The following GMDS variants were observed in gnomAD, a reference collection of about 807,000 sequenced individuals.
The protein encoded by GMDS is GDP-mannose 4,6 dehydratase.
GMDS carries 20 observed loss-of-function variants against 49.9 expected under a neutral mutation model. The ratio of observed to expected loss-of-function variants is 0.40; its 90% confidence interval spans 0.28 to 0.58. The LOEUF (loss-of-function observed/expected upper bound fraction) is 0.58, where lower values mean the gene tolerates loss of function less well. Ranked by LOEUF, GMDS falls within the 20% of genes least tolerant of loss-of-function variation. The pLI, the probability that GMDS is intolerant of heterozygous loss-of-function variation, is 0.42. For synonymous variants in GMDS, 177 were observed against 178.6 expected, an observed-to-expected ratio of 0.99 and a Z score of 0.07; for missense variants, 362 against 481.4, an observed-to-expected ratio of 0.75 and a Z score of 2.32.
At chr6:1,960,736 C>A (rs555623761) in intron 5 of GMDS, 38 bp downstream of exon 5, 2 of 1,367,768 alleles carry the variant, frequency 1.5e-6, no homozygotes, top group Non-Finnish European at 2.0e-6. Context: ...CCACAGATAA[C>A]GCCACACATG....
chr6:2,221,095 G>T (rs1315729205), intron 1 of GMDS, among the ~76,000 whole-genome samples: 6 of 152,138 alleles, frequency 3.9e-5, no homozygotes, highest in Non-Finnish European at 2.9e-5. Flanking sequence ...GGAGACTGAG[G>T]TGGGAGGATT....
At chr6:2,056,978 C>T (rs562073805) in intron 4 of GMDS, among the ~76,000 whole-genome samples, 1 of 152,266 alleles carries the variant, frequency 6.6e-6, no homozygotes, top group East Asian at 1.9e-4. Flanking sequence ...TGTATAAATA[C>T]AGCATTACTG....
At chr6:2,151,656 G>A (rs979780887) in intron 1 of GMDS, among the ~76,000 whole-genome samples, 4 of 151,884 alleles carry the variant, frequency 2.6e-5, no homozygotes, top group African/African-American at 9.7e-5. Flanking sequence ...AACAAAATAT[G>A]CAAAAAACCT....
At chr6:1,756,165 A>C (rs1197123181) in intron 7 of GMDS, among the ~76,000 whole-genome samples, 3 of 152,244 alleles carry the variant, frequency 2.0e-5, no homozygotes, top group African/African-American at 4.8e-5. Context: ...TGTATGAAAG[A>C]AGCTTAATGA....
chr6:2,214,157 C>T (rs1780207387), intron 1 of GMDS, among the ~76,000 whole-genome samples: 1 of 152,202 alleles, frequency 6.6e-6, no homozygotes, highest in South Asian at 2.1e-4. Flanking sequence ...AACTGACACA[C>T]ATCAACAATA....
At chr6:2,149,824 G>C (rs1776758774) in intron 1 of GMDS, among the ~76,000 whole-genome samples, 1 of 152,180 alleles carries the variant, frequency 6.6e-6, no homozygotes, top group African/African-American at 2.4e-5. Flanking sequence ...GGGAGACTGA[G>C]TACACACAGC....
chr6:2,039,527 A>G lies in GMDS; in HGVS notation c.345+76244T>C, dbSNP rs1769522411. On this transcript the variant is annotated intron_variant, in intron 4 of 10. Transcript: ENST00000380815. ...ATGTAAACACACTATACAGTTAAAC[A>G]AAAAATATTTTCTTTCTTTATATCC... Among the ~76,000 whole-genome samples, 3 of 152,276 alleles carry G rather than the reference A, an allele frequency of 2.0e-5. No homozygotes were observed. In the South Asian group the frequency reaches 6.2e-4, roughly 32 times the overall value.
At chr6:1,881,095 T>G (rs890270949) in intron 7 of GMDS, among the ~76,000 whole-genome samples, 2 of 152,176 alleles carry the variant, frequency 1.3e-5, no homozygotes, top group African/African-American at 2.4e-5. Flanking sequence ...AAAAAGGTAT[T>G]TTTCTATCAT....
chr6:1,990,943 G>A (rs1323514404), intron 4 of GMDS, among the ~76,000 whole-genome samples: 1 of 151,956 alleles, frequency 6.6e-6, no homozygotes, highest in African/African-American at 2.4e-5. Flanking sequence ...GTGTTAAGTG[G>A]GCATTATCAA....
intron 4 of GMDS, among the ~76,000 whole-genome samples, chr6:2,114,834 T>C (rs1181677429): frequency 6.6e-6 from 1 of 152,178 alleles, no homozygotes; most frequent in African/African-American, 2.4e-5. Flanking sequence ...AGCAGAGGTA[T>C]ATAGAATAGG....
In GMDS at chr6:1,778,607, A is replaced by G. The variant is rs563279699; in HGVS notation, c.772-36021T>C. 3.3e-5 allele frequency among the ~76,000 whole-genome samples: 5 copies of G among 152,218 alleles called. No homozygotes were observed. The highest frequency in any genetic ancestry group is 7.3e-5 in the Non-Finnish European group (5 of 68,044). On this transcript the variant is annotated intron_variant, in intron 7 of 10. Transcript: ENST00000380815. The surrounding 1 kb of genome is among the most constrained non-coding windows in gnomAD (Gnocchi z 4.6). ...ATGTCTCGAACTGCAGGATTAGAGTAACATTAGTTAACGTGGCCCTCCATT... is the reference window on the plus strand; with the variant it reads ...ATGTCTCGAACTGCAGGATTAGAGTGACATTAGTTAACGTGGCCCTCCATT...
chr6:2,211,648 A>G (rs1391864724), intron 1 of GMDS, among the ~76,000 whole-genome samples: 1 of 152,188 alleles, frequency 6.6e-6, no homozygotes, highest in Non-Finnish European at 1.5e-5. Context: ...CCCACCAAAA[A>G]TAACTAGAAA....
At chr6:1,799,961 A>T (rs953112814) in intron 7 of GMDS, among the ~76,000 whole-genome samples, 2 of 152,136 alleles carry the variant, frequency 1.3e-5, no homozygotes, top group East Asian at 3.9e-4. Context: ...TTCATACCTT[A>T]ATGTCTTTTT....
intron 1 of GMDS, among the ~76,000 whole-genome samples, chr6:2,194,853 T>G (rs1397253063): frequency 6.6e-6 from 1 of 152,206 alleles, no homozygotes; most frequent in Non-Finnish European, 1.5e-5. Flanking sequence ...GGACAATTAG[T>G]ACAGTCAACT....
chr6:1,832,022 C>T (rs1756670359), intron 7 of GMDS, among the ~76,000 whole-genome samples: 1 of 152,026 alleles, frequency 6.6e-6, no homozygotes. Flanking sequence ...AAACTACCAT[C>T]TTACGTGGTT....
intron 7 of GMDS, among the ~76,000 whole-genome samples, chr6:1,856,510 C>T (rs910970653): frequency 1.3e-4 from 20 of 152,208 alleles, no homozygotes; most frequent in African/African-American, 4.8e-4. Flanking sequence ...CGTATTTGCC[C>T]AATTTGCATT....
Position 1,783,674 on chromosome 6 carries a change from A to C in GMDS, c.772-41088T>G, listed in dbSNP as rs532166363. On this transcript the variant is annotated intron_variant, in intron 7 of 10. Transcript: ENST00000380815. Reference sequence around the variant, plus strand: ...TTACATAGGTAGTGATAACATTGCTACAATAAATACTTGGCTATTTTAAGA... The same window carrying C: ...TTACATAGGTAGTGATAACATTGCTCCAATAAATACTTGGCTATTTTAAGA... Among the ~76,000 whole-genome samples the C allele has an allele frequency of 2.6e-5, 4 of 152,378 alleles. No individual in the cohort carries two copies. In the East Asian group the frequency reaches 5.8e-4, roughly 22 times the overall value.
At chr6:1,649,369 C>T (rs1217429461) in intron 9 of GMDS, among the ~76,000 whole-genome samples, 1 of 152,152 alleles carries the variant, frequency 6.6e-6, no homozygotes, top group African/African-American at 2.4e-5. Context: ...GCCTTTAGTT[C>T]AAATTGAGGT....
intron 7 of GMDS, among the ~76,000 whole-genome samples, chr6:1,785,719 C>T (rs1272676015): frequency 6.6e-6 from 1 of 152,216 alleles, no homozygotes; most frequent in Non-Finnish European, 1.5e-5. Context: ...AAGGAGGCTC[C>T]ATCTCCTGAT....
Sources: gnomAD v4.1 joint callset for allele counts (sites outside exome capture counted in the v4.1 genomes callset) on GRCh38, gnomAD v4.1.1 for gene constraint, Gnocchi (gnomAD v3.1) non-coding constraint, MANE v1.5 for transcripts, NCBI Gene and HGNC (gene_info 2026-07-23, HGNC 2026-07-21) for gene names.